The following ADGRB1 variants were observed in gnomAD, a reference collection of about 807,000 sequenced individuals.
The protein encoded by ADGRB1 is brain-specific angiogenesis inhibitor 1.
In ADGRB1, 36 loss-of-function variants were observed where a neutral mutation model predicts 175.7. The observed-to-expected ratio is 0.20, with a 90% CI of 0.16 to 0.27. The LOEUF is 0.27. Ranked by LOEUF, ADGRB1 falls within the 10% of genes least tolerant of loss-of-function variation. ADGRB1 has a pLI of 1.00. For synonymous variants in ADGRB1, 1,054 were observed against 979.4 expected, an observed-to-expected ratio of 1.08 and a Z score of -1.42; for missense variants, 1,731 against 2,255.3, an observed-to-expected ratio of 0.77 and a Z score of 4.71.
At chr8:142,526,751 G>C (rs918179246) in intron 24 of ADGRB1, 124 bp downstream of exon 24, 1 of 1,010,676 alleles carries the variant, frequency 9.9e-7, no homozygotes, top group Non-Finnish European at 1.5e-6. Context: ...ACCCCGGAGC[G>C]GGTGGGAAAC....
chr8:142,525,500 G>A (rs1015877273), intron 23 of ADGRB1, among the ~76,000 whole-genome samples: 4 of 152,170 alleles, frequency 2.6e-5, no homozygotes, highest in Non-Finnish European at 4.4e-5. Flanking sequence ...GCAGTGGTCC[G>A]TCACTGGTGT....
At position 142,539,359 on chromosome 8, in the gene ADGRB1, GTC is replaced by G. The variant is rs769432353; in HGVS notation, c.3667-11_3667-10del. ...CCAGAGGCGCTCACCCTGCCCTGTT[GTC>G]TCTGTCCTACAGACCGACTTCGAGA... On this transcript the variant is annotated splice_polypyrimidine_tract_variant and intron_variant, in intron 26 of 30. Transcript: ENST00000517894. 1.1e-5 allele frequency: 18 copies of G among 1,579,636 alleles called. No homozygotes were observed. Among genetic ancestry groups the G allele is most frequent in the Non-Finnish European group, 1.5e-5 (18 of 1,163,594 alleles).
Position 142,464,904 on chromosome 8 carries a change from T to C in ADGRB1, c.706T>C (p.Leu236=). The part of the protein sequence containing the change: ...GPLAPRGDVC[L]RDAVAGGPEN... ...CCTGGCCCCCCGCGGGGATGTCTGC[T>C]TGAGAGATGCGGTGGCTGGTGGCCC... Residue 236 remains leucine, a synonymous_variant, in exon 2 of 31, where the codon TTG becomes CTG. Transcript: ENST00000517894. 1 of 1,529,630 alleles carries C rather than the reference T, an allele frequency of 6.5e-7. No individual in the cohort carries two copies. 94.8% of individuals were successfully genotyped at this position (1,529,630 alleles called of 1,614,324 possible). A position where few individuals can be genotyped will look rare whatever the true frequency, so the allele number is the denominator to read the frequency against.
At chr8:142,478,482 G>T in intron 7 of ADGRB1, 122 bp downstream of exon 7, 2 of 1,203,228 alleles carry the variant, frequency 1.7e-6, no homozygotes, top group South Asian at 3.2e-5. Flanking sequence ...AGGAGGGAGT[G>T]GGGTGCACAG....
chr8:142,473,677 T>C (rs1448513474), intron 2 of ADGRB1, among the ~76,000 whole-genome samples: 1 of 152,208 alleles, frequency 6.6e-6, no homozygotes, highest in Non-Finnish European at 1.5e-5. Context: ...CCAGGTGCTC[T>C]CCTCTCTGGG....
intron 24 of ADGRB1, among the ~76,000 whole-genome samples, chr8:142,530,766 G>A (rs56070997): frequency 0.14 from 21,995 of 152,140 alleles, 1,728 homozygotes; most frequent in East Asian, 0.29. Context: ...GAGAAGTGGG[G>A]GCCAGAAGGA....
chr8:142,536,330 G>A (rs775792784), intron 25 of ADGRB1, among the ~76,000 whole-genome samples: 4 of 152,276 alleles, frequency 2.6e-5, no homozygotes, highest in African/African-American at 9.6e-5. Context: ...GGCATTCGTA[G>A]ATGATGTCTC....
intron 24 of ADGRB1, among the ~76,000 whole-genome samples, chr8:142,530,655 C>T (rs1422831841): frequency 6.6e-6 from 1 of 152,182 alleles, no homozygotes; most frequent in African/African-American, 2.4e-5. Context: ...TGCCAGGCCC[C>T]GGGAAGTTCA....
chr8:142,510,800 G>A lies in ADGRB1; in HGVS notation c.2676-132G>A. 3.9e-6 allele frequency: 1 copy of A among 258,038 alleles called. No individual in the cohort carries two copies. Among genetic ancestry groups the A allele is most frequent in the Non-Finnish European group, 5.9e-6 (1 of 168,938 alleles). The allele number at this position is 258,038 out of a possible 1,614,324, so 16.0% of individuals were successfully genotyped here. The stretch of plus-strand genomic sequence containing the variant: ...GGCGGGCGGACGGGCGCGCGGCTGC[G>A]GGCGCAGGTGCGGGGCGGCGGGCCG... On this transcript the variant is annotated intron_variant, in intron 17 of 30. Transcript: ENST00000517894. This position sits in a 1 kb window ranked among gnomAD's most constrained non-coding sequence, Gnocchi z 6.3.
Position 142,478,259 on chromosome 8 carries a change from G to T in ADGRB1, c.1460G>T (p.Arg487Leu). ...TGCTCCGCCAGCTGCTCCCAGGGCCGACAGCAGCGCACGCGTGAATGCAAC... is the reference window on the plus strand; with the variant it reads ...TGCTCCGCCAGCTGCTCCCAGGGCCTACAGCAGCGCACGCGTGAATGCAAC... ...SACSASCSQG[R>L]QQRTRECNGP... Residue 487 changes from arginine (R) to leucine (L), a missense_variant, in exon 7 of 31, where the codon CGA becomes CTA. Physicochemically the swap from Arg to Leu is moderately radical, Grantham distance 102. Transcript: ENST00000517894. 1 of 1,609,664 alleles carries T rather than the reference G, an allele frequency of 6.2e-7. No individual in the cohort carries two copies. The highest frequency in any genetic ancestry group is 1.1e-5 in the South Asian group (1 of 90,254).
Position 142,481,283 on chromosome 8 carries a change from G to C in ADGRB1, c.1858G>C (p.Glu620Gln). 1.2e-6 allele frequency: 2 copies of C among 1,613,850 alleles called. No individual in the cohort carries two copies. Among genetic ancestry groups the C allele is most frequent in the Non-Finnish European group, 1.7e-6 (2 of 1,179,882 alleles). The change falls in exon 10 of 31, where the codon GAG becomes CAG. Residue 620 changes from glutamate to glutamine, a missense_variant. Around this residue, in one of 8 missense-constraint regions of ADGRB1, gnomAD observed 388 missense variants for 630.9 expected, o/e 0.61. Transcript: ENST00000517894. ...CATCCTGCGACGGTGTGAGCTGGAC[G>C]AGGAAGGCATCGCCTACTGGGAGCC... The part of the protein sequence containing the change: ...GLILRRCELD[E>Q]EGIAYWEPPT...
Position 142,481,534 on chromosome 8 carries a change from C to A in ADGRB1, c.1953C>A (p.Ala651=), listed in dbSNP as rs1841338135. 6.3e-7 allele frequency: 1 copy of A among 1,587,152 alleles called. No individual in the cohort carries two copies. Among genetic ancestry groups the A allele is most frequent in the East Asian group, 2.3e-5 (1 of 43,930 alleles). Residue 651 remains alanine (A), a synonymous_variant, in exon 11 of 31, where the codon GCC becomes GCA. Transcript: ENST00000517894. ...TTCCGCAGACCCGGGAGCACCTGGC[C>A]AAGGCTCAGCGAGGGCTGCCTGGGG... ...NIQMMTREHL[A]KAQRGLPGEG...
At chr8:142,452,275 GGC>G (rs1404970289) in intron 1 of ADGRB1, among the ~76,000 whole-genome samples, 2 of 152,220 alleles carry the variant, frequency 1.3e-5, no homozygotes, top group Non-Finnish European at 2.9e-5. Context: ...GCGCCAGAGA[GGC>G]GCGCGGCTCC....
intron 25 of ADGRB1, among the ~76,000 whole-genome samples, chr8:142,535,535 G>T (rs1844873954): frequency 6.6e-6 from 1 of 152,208 alleles, no homozygotes; most frequent in South Asian, 2.1e-4. Flanking sequence ...AGCCTCGGGG[G>T]TGGTGGCCAG....
At chr8:142,465,345 A>G (rs1473466378) in intron 2 of ADGRB1, among the ~76,000 whole-genome samples, 1 of 152,154 alleles carries the variant, frequency 6.6e-6, no homozygotes, top group African/African-American at 2.4e-5. Flanking sequence ...CCTGGCTGGG[A>G]GAGGGCCCGC....
intron 17 of ADGRB1, among the ~76,000 whole-genome samples, chr8:142,500,517 CG>C (rs548633644): frequency 4.6e-5 from 7 of 151,414 alleles, no homozygotes; most frequent in African/African-American, 1.7e-4. Context: ...GTCCAGGCCA[CG>C]GGGATGGGCC....
chr8:142,533,827 C>T (rs1269023280), intron 25 of ADGRB1, among the ~76,000 whole-genome samples: 5 of 152,196 alleles, frequency 3.3e-5, no homozygotes, highest in African/African-American at 1.2e-4. Context: ...CTGCTTCCGG[C>T]GTTTTCTGGA....
chr8:142,519,130 C>T (rs1248762983), intron 19 of ADGRB1, among the ~76,000 whole-genome samples: 1 of 152,126 alleles, frequency 6.6e-6, no homozygotes, highest in Admixed American at 6.5e-5. Flanking sequence ...TTTCCTCTTC[C>T]CGGGACCTGC....
intron 2 of ADGRB1, among the ~76,000 whole-genome samples, chr8:142,465,503 C>G (rs1840227394): frequency 6.6e-6 from 1 of 151,410 alleles, no homozygotes; most frequent in South Asian, 2.1e-4. Flanking sequence ...GAGACGTGGT[C>G]AGATGAGGTT....
Sources: allele counts gnomAD v4.1 joint callset (sites outside exome capture counted in the v4.1 genomes callset), GRCh38; gene constraint gnomAD v4.1.1; regional missense constraint gnomAD v4.1.1; non-coding constraint Gnocchi (gnomAD v3.1); transcripts MANE v1.5; gene names NCBI Gene and HGNC (gene_info 2026-07-23, HGNC 2026-07-21).